GHR: variants seen among roughly 807,000 people sequenced by gnomAD.
The protein encoded by GHR is GH receptor.
A neutral mutation model predicts 67.1 loss-of-function variants in GHR; 35 were observed. The ratio of observed to expected loss-of-function variants is 0.52; its 90% CI spans 0.40 to 0.69. The LOEUF (loss-of-function observed/expected upper bound fraction) is 0.69, where lower values mean the gene tolerates loss of function less well. Ranked by LOEUF, GHR falls within the 30% of genes least tolerant of loss-of-function variation. The pLI, the probability that GHR is intolerant of heterozygous loss-of-function variation, is 0.00. For missense variants in GHR, 792 were observed against 764.6 expected, an observed-to-expected ratio of 1.04 and a Z score of -0.42; for synonymous variants, 272 against 269.1, an observed-to-expected ratio of 1.01 and a Z score of -0.10.
intron 1 of GHR, chr5:42,467,532 C>A: frequency 7.5e-7 from 1 of 1,330,754 alleles, no homozygotes; most frequent in Non-Finnish European, 1.1e-6. Context: ...TAAAGGCTTT[C>A]TCACATTTAC....
chr5:42,590,377 A>AT (rs1751710758), intron 2 of GHR, among the ~76,000 whole-genome samples: 1 of 152,084 alleles, frequency 6.6e-6, no homozygotes, highest in African/African-American at 2.4e-5. Flanking sequence ...TGCTGGGGAA[A>AT]TTTTTTTAAA....
intron 3 of GHR, among the ~76,000 whole-genome samples, chr5:42,655,289 C>A (rs1580134295): frequency 6.6e-6 from 1 of 152,180 alleles, no homozygotes; most frequent in East Asian, 1.9e-4. Flanking sequence ...TCTAACAGAG[C>A]AATTATTTCA....
intron 3 of GHR, among the ~76,000 whole-genome samples, chr5:42,637,333 G>A (rs2112775265): frequency 6.6e-6 from 1 of 152,070 alleles, no homozygotes; most frequent in East Asian, 1.9e-4. Context: ...GATTTAGGGG[G>A]TACACGTGCA....
At chr5:42,459,115 A>T (rs1380078100) in intron 1 of GHR, among the ~76,000 whole-genome samples, 1 of 152,196 alleles carries the variant, frequency 6.6e-6, no homozygotes, top group African/African-American at 2.4e-5. Flanking sequence ...CAAAGAACTC[A>T]AAGTAGAATT....
At chr5:42,692,125 G>A (rs1413506574) in intron 4 of GHR, among the ~76,000 whole-genome samples, 1 of 152,126 alleles carries the variant, frequency 6.6e-6, no homozygotes, top group Non-Finnish European at 1.5e-5. Flanking sequence ...TAGGGAGAAA[G>A]GGCATTATTA....
intron 1 of GHR, among the ~76,000 whole-genome samples, chr5:42,489,184 A>G (rs549441351): frequency 4.6e-5 from 7 of 151,962 alleles, no homozygotes; most frequent in African/African-American, 1.7e-4. Flanking sequence ...GTTCTGTCCT[A>G]TCCTGCCTCC....
At chr5:42,544,442 G>C (rs1748648823) in intron 1 of GHR, among the ~76,000 whole-genome samples, 1 of 152,172 alleles carries the variant, frequency 6.6e-6, no homozygotes, top group African/African-American at 2.4e-5. Context: ...AATTAGGACA[G>C]TTTGAAAGCA....
intron 1 of GHR, among the ~76,000 whole-genome samples, chr5:42,455,441 C>T (rs540693790): frequency 1.3e-5 from 2 of 152,316 alleles, no homozygotes; most frequent in East Asian, 3.9e-4. Context: ...CAATCCTTCT[C>T]TTTAGATAGC....
intron 4 of GHR, 37 bp downstream of exon 4, chr5:42,689,056 G>T: frequency 6.3e-7 from 1 of 1,583,188 alleles, no homozygotes; most frequent in Admixed American, 1.7e-5. Flanking sequence ...TCCTCTCCAT[G>T]GATGTACCTA....
At chr5:42,576,070 A>C (rs1750666699) in intron 2 of GHR, among the ~76,000 whole-genome samples, 1 of 85,934 alleles carries the variant, frequency 1.2e-5, no homozygotes, top group African/African-American at 6.2e-5. Flanking sequence ...AAAATAAAAT[A>C]AAATAAAATA....
intron 3 of GHR, among the ~76,000 whole-genome samples, chr5:42,665,934 C>T (rs986345725): frequency 6.6e-6 from 1 of 152,026 alleles, no homozygotes; most frequent in African/African-American, 2.4e-5. Context: ...GACTTATTCA[C>T]TGTCATGAGA....
At chr5:42,425,527 G>T (rs532877411) in intron 1 of GHR, among the ~76,000 whole-genome samples, 7 of 152,304 alleles carry the variant, frequency 4.6e-5, no homozygotes, top group Non-Finnish European at 7.4e-5. Flanking sequence ...CAAAATTGAT[G>T]CAGCAGACAG....
rs115214911 is a variant in GHR at position 42,585,961 on chromosome 5, T to G, written c.70+20017T>G. Among the ~76,000 whole-genome samples, 1,482 of 152,300 alleles carry G rather than the reference T, an allele frequency of 9.7e-3. 23 individuals carry two copies. Among genetic ancestry groups the G allele is most frequent in the African/African-American group, 0.034 (1,429 of 41,558 alleles). On this transcript the variant is annotated intron_variant, in intron 2 of 9. Coordinates refer to ENST00000230882, the MANE Select transcript of GHR (RefSeq NM_000163.5). ...GTGACCTCAGAGAAGTTGCTTCCCT[T>G]CTCTGTGCCTCAGTTTCTTCATATG...
intron 1 of GHR, among the ~76,000 whole-genome samples, chr5:42,560,171 T>C (rs1352414338): frequency 6.6e-6 from 1 of 152,244 alleles, no homozygotes. Context: ...GATATGAGCA[T>C]ATTATTCCCT....
At chr5:42,600,203 T>G (rs75188536) in intron 2 of GHR, among the ~76,000 whole-genome samples, 2 of 152,194 alleles carry the variant, frequency 1.3e-5, no homozygotes, top group Non-Finnish European at 2.9e-5. Context: ...TAAAAACCTA[T>G]GGCACAGTGG....
At chr5:42,684,211 G>A (rs909465818) in intron 3 of GHR, among the ~76,000 whole-genome samples, 1 of 152,160 alleles carries the variant, frequency 6.6e-6, no homozygotes, top group African/African-American at 2.4e-5. Flanking sequence ...CTGTAAAATT[G>A]TAAAGTACTT....
chr5:42,641,119 C>T (rs906395580), intron 3 of GHR, among the ~76,000 whole-genome samples: 3 of 152,204 alleles, frequency 2.0e-5, no homozygotes, highest in South Asian at 2.1e-4. Context: ...AATGTTGTTT[C>T]CTTTCCTTCC....
intron 1 of GHR, among the ~76,000 whole-genome samples, chr5:42,469,689 C>A (rs964755781): frequency 6.6e-6 from 1 of 152,192 alleles, no homozygotes; most frequent in Non-Finnish European, 1.5e-5. Context: ...GACCCAGAGT[C>A]CCAGGACACT....
intron 2 of GHR, among the ~76,000 whole-genome samples, chr5:42,582,128 C>T (rs1452597234): frequency 2.0e-5 from 3 of 152,324 alleles, no homozygotes; most frequent in Admixed American, 6.5e-5. Flanking sequence ...GGTGGTTCAG[C>T]GCAGGCCTGC....
Sources: allele counts gnomAD v4.1 joint callset (sites outside exome capture counted in the v4.1 genomes callset), GRCh38; gene constraint gnomAD v4.1.1; transcripts MANE v1.5; gene names NCBI Gene and HGNC (gene_info 2026-07-23, HGNC 2026-07-21).